The following NSD3 variants were observed in gnomAD, a reference collection of about 807,000 sequenced individuals.
The protein encoded by NSD3 is histone-lysine N-methyltransferase NSD3.
Under a neutral mutation model 160.8 loss-of-function variants are expected in NSD3, and 24 were observed. The observed-to-expected ratio is 0.15, with a 90% CI of 0.11 to 0.21. The LOEUF (loss-of-function observed/expected upper bound fraction) is 0.21, where lower values mean the gene tolerates loss of function less well. NSD3 is among the 10% of genes least tolerant of loss of function. NSD3 has a pLI of 1.00. For synonymous variants in NSD3, 520 were observed against 600.0 expected, an observed-to-expected ratio of 0.87 and a Z score of 1.95; for missense variants, 1,157 against 1,735.9, an observed-to-expected ratio of 0.67 and a Z score of 5.93.
At chr8:38,283,713 A>G (rs150304401) in intron 19 of NSD3, among the ~76,000 whole-genome samples, 3 of 152,172 alleles carry the variant, frequency 2.0e-5, no homozygotes, top group African/African-American at 4.8e-5. Context: ...ACGGAGCTAC[A>G]TATGCTTCAG....
intron 11 of NSD3, among the ~76,000 whole-genome samples, 167 bp downstream of exon 11, chr8:38,315,249 A>G (rs1022012733): frequency 6.6e-6 from 1 of 152,248 alleles, no homozygotes; most frequent in African/African-American, 2.4e-5. Context: ...TAAGTATTCC[A>G]ACTCAGAAAG....
intron 1 of NSD3, among the ~76,000 whole-genome samples, chr8:38,364,970 C>T (rs1278658549): frequency 2.0e-5 from 3 of 152,194 alleles, no homozygotes; most frequent in African/African-American, 7.2e-5. Context: ...CAAGAACAGG[C>T]ATTTGAGTAA....
chr8:38,374,513 T>A (rs1359672785), intron 1 of NSD3, among the ~76,000 whole-genome samples: 1 of 151,992 alleles, frequency 6.6e-6, no homozygotes, highest in Non-Finnish European at 1.5e-5. Context: ...TCCCAGCTAC[T>A]AGAGAAGCTG....
intron 17 of NSD3, 69 bp downstream of exon 17, chr8:38,290,406 G>A: frequency 6.7e-7 from 1 of 1,483,484 alleles, no homozygotes; most frequent in East Asian, 2.3e-5. Flanking sequence ...TATTAGGGAG[G>A]TGAGGAGATG....
At position 38,321,178 on chromosome 8, in the gene NSD3, A is replaced by G. The variant is rs894171984; in HGVS notation, c.1709-6T>C. On this transcript the variant is annotated splice_region_variant and splice_polypyrimidine_tract_variant and intron_variant, in intron 7 of 23. Coordinates refer to ENST00000317025, the MANE Select transcript of NSD3 (RefSeq NM_023034.2). The surrounding 1 kb of genome is among the most constrained non-coding windows in gnomAD (Gnocchi z 4.7). ...TTGCTTCTTTTCTACTGAGCCTAAG[A>G]AATGATTTAAACACACAAACAAAAA... The G allele has an allele frequency of 6.2e-6, 10 of 1,609,306 alleles. No individual in the cohort carries two copies. The highest frequency in any genetic ancestry group is 1.3e-5 in the African/African-American group (1 of 74,826).
intron 2 of NSD3, 42 bp from the exon 3 acceptor site, chr8:38,338,649 A>C: frequency 2.7e-6 from 4 of 1,493,946 alleles, no homozygotes; most frequent in Non-Finnish European, 3.7e-6. Flanking sequence ...AATGGCATTA[A>C]ATAAACAAAC....
Position 38,304,607 on chromosome 8 carries a change from A to G in NSD3, c.2591T>C (p.Phe864Ser), listed in dbSNP as rs1809352125. 6.2e-7 allele frequency: 1 copy of G among 1,611,458 alleles called. No individual in the cohort carries two copies. The highest frequency in any genetic ancestry group is 1.1e-5 in the South Asian group (1 of 90,314). Residue 864 changes from phenylalanine to serine, a missense_variant, in exon 14 of 24, where the codon TTT (phenylalanine) becomes TCT (serine). By Grantham distance (155) the Phe-to-Ser change is radical. Around this residue, in one of 10 missense-constraint regions of NSD3, gnomAD observed 437 missense variants for 576.6 expected, o/e 0.76. Coordinates refer to ENST00000317025, the MANE Select transcript of NSD3 (RefSeq NM_023034.2). The stretch of plus-strand genomic sequence containing the variant: ...CTCACCTCTGGCACAAACGAAACAA[A>G]AGCCTACATTTACAGCAGAAGAATT... ...SSNSSAVNVG[F>S]CFVCARGLIV... is the part of the protein sequence containing the mutation.
chr8:38,318,747 C>G lies in NSD3; in HGVS notation c.1855+148G>C. The G allele has an allele frequency of 1.4e-6, 1 of 709,904 alleles. No homozygotes were observed. The highest frequency in any genetic ancestry group is 2.4e-6 in the Non-Finnish European group (1 of 410,962). The allele number at this position is 709,904 out of a possible 1,614,324, so 44.0% of individuals were successfully genotyped here. A position where few individuals can be genotyped will look rare whatever the true frequency, so the allele number is the denominator to read the frequency against. On this transcript the variant is annotated intron_variant, in intron 9 of 23. Coordinates refer to ENST00000317025, the MANE Select transcript of NSD3 (RefSeq NM_023034.2). This position sits in a 1 kb window ranked among gnomAD's most constrained non-coding sequence, Gnocchi z 5.3. Reference sequence around the variant, plus strand: ...TAAGATCAACTCTAAAAGTCACACACACACACGAACACTGGGGAATACTGC... The same window carrying G: ...TAAGATCAACTCTAAAAGTCACACAGACACACGAACACTGGGGAATACTGC...
chr8:38,304,474 G>A (rs764518931), intron 14 of NSD3, 113 bp downstream of exon 14: 10 of 1,032,734 alleles, frequency 9.7e-6, no homozygotes, highest in Non-Finnish European at 1.4e-5. Flanking sequence ...TCTGCACTGG[G>A]TAGGAGATTC....
chr8:38,294,918 C>G (rs1263752980), intron 16 of NSD3, among the ~76,000 whole-genome samples: 1 of 151,552 alleles, frequency 6.6e-6, no homozygotes, highest in East Asian at 1.9e-4. Flanking sequence ...CCAAGGCAGG[C>G]GGATCACAAG....
In NSD3 at chr8:38,326,757, A is replaced by G. The variant is rs771214756; in HGVS notation, c.1681T>C (p.Ser561Pro). 2.5e-6 allele frequency: 4 copies of G among 1,613,954 alleles called. No individual in the cohort carries two copies. The highest frequency in any genetic ancestry group is 3.4e-6 in the Non-Finnish European group (4 of 1,179,944). ...RNEKPTQSVS[S>P]PEATSGSTGS... is the part of the protein sequence containing the mutation. Reference sequence around the variant, plus strand: ...GTAGAACCAGATGTTGCTTCAGGAGATGATACACTCTGCGTTGGCTTTTCA... The same window carrying G: ...GTAGAACCAGATGTTGCTTCAGGAGGTGATACACTCTGCGTTGGCTTTTCA... Residue 561 changes from serine to proline, a missense_variant, in exon 7 of 24, where the codon TCT becomes CCT. Ser to Pro is a moderately conservative substitution (Grantham distance 74, BLOSUM62 -1). This residue lies in a region of NSD3 where 102 missense variants were observed against 126.5 expected (regional missense o/e 0.81). Transcript: ENST00000317025.
intron 2 of NSD3, among the ~76,000 whole-genome samples, chr8:38,343,771 T>C (rs1189465230): frequency 6.6e-6 from 1 of 152,166 alleles, no homozygotes; most frequent in Non-Finnish European, 1.5e-5. Flanking sequence ...AAAGAGTTTC[T>C]AAGAATTTTA....
intron 12 of NSD3, among the ~76,000 whole-genome samples, chr8:38,313,049 C>G (rs1325542812): frequency 2.6e-5 from 4 of 152,310 alleles, no homozygotes; most frequent in African/African-American, 9.6e-5. Flanking sequence ...AAACGATGTG[C>G]AGATAATATG....
In NSD3 at chr8:38,307,331, T is replaced by C. The variant is rs536183196; in HGVS notation, c.2243-1886A>G. On this transcript the variant is annotated intron_variant, in intron 12 of 23. Coordinates refer to ENST00000317025, the MANE Select transcript of NSD3 (RefSeq NM_023034.2). ...TCCAGAGTAATTGGGACTACAGTGATAATACCAATTATTGATAAGGGTGTA... is the reference window on the plus strand; with the variant it reads ...TCCAGAGTAATTGGGACTACAGTGACAATACCAATTATTGATAAGGGTGTA... Among the ~76,000 whole-genome samples the C allele has an allele frequency of 2.0e-5, 3 of 152,116 alleles. No individual in the cohort carries two copies. The East Asian group carries it at 5.8e-4, about 29-fold the overall frequency.
intron 7 of NSD3, among the ~76,000 whole-genome samples, chr8:38,325,577 A>G (rs937653012): frequency 6.6e-6 from 1 of 152,244 alleles, no homozygotes; most frequent in African/African-American, 2.4e-5. Context: ...GTTAGTCTCA[A>G]AAAAATTATG....
intron 1 of NSD3, among the ~76,000 whole-genome samples, chr8:38,349,400 T>C (rs1488471188): frequency 6.6e-6 from 1 of 151,722 alleles, no homozygotes; most frequent in Non-Finnish European, 1.5e-5. Flanking sequence ...CCCAGGTAGG[T>C]CTCAAACTCC....
In NSD3 at chr8:38,305,329, A is replaced by G. The variant is rs541693102; in HGVS notation, c.2359T>C (p.Phe787Leu). ...ACVRKFPTAI[F>L]ESKGFRCPQH... ...GGACAGCGGAATCCTTTTGATTCAA[A>G]GATGGCAGTGGGGAATTTGCGGACA... Residue 787 changes from phenylalanine (F) to leucine (L), a missense_variant, in exon 13 of 24, where the codon TTT becomes CTT. Around this residue, in one of 10 missense-constraint regions of NSD3, gnomAD observed 437 missense variants for 576.6 expected, o/e 0.76. Transcript: ENST00000317025. The G allele has an allele frequency of 6.2e-7, 1 of 1,614,232 alleles. No homozygotes were observed. The highest frequency in any genetic ancestry group is 8.5e-7 in the Non-Finnish European group (1 of 1,180,030).
At position 38,288,528 on chromosome 8, in the gene NSD3, G is replaced by A. The variant is rs1387874215; in HGVS notation, c.3460C>T (p.Arg1154Trp). The change falls in exon 19 of 24, where the codon CGG becomes TGG. Residue 1154 changes from arginine (R) to tryptophan (W), a missense_variant. By Grantham distance (101) the Arg-to-Trp change is moderately radical. Transcript: ENST00000317025. This position sits in a 1 kb window ranked among gnomAD's most constrained non-coding sequence, Gnocchi z 4.5. ...YPDAEIIKTE[R>W]RGWGLRTKRS... ...TTGGTCCTGAGGCCCCAGCCTCTCC[G>A]CTCCGTTTTGATGATCTCTGCATCA... The A allele has an allele frequency of 4.3e-6, 7 of 1,613,924 alleles. No individual in the cohort carries two copies. Among genetic ancestry groups the A allele is most frequent in the Admixed American group, 1.7e-5 (1 of 59,980 alleles).
At chr8:38,292,043 TTAAAA>T (rs1176341097) in intron 16 of NSD3, among the ~76,000 whole-genome samples, 9 of 152,226 alleles carry the variant, frequency 5.9e-5, no homozygotes, top group Non-Finnish European at 1.0e-4. Context: ...AATTTAAGTG[TTAAAA>T]TAAATCAAAG....
Sources: gnomAD v4.1 joint callset for allele counts (sites outside exome capture counted in the v4.1 genomes callset) on GRCh38, gnomAD v4.1.1 for gene constraint, gnomAD v4.1.1 regional missense constraint, Gnocchi (gnomAD v3.1) non-coding constraint, MANE v1.5 for transcripts, NCBI Gene and HGNC (gene_info 2026-07-23, HGNC 2026-07-21) for gene names.